Variants in EPHA5 observed in about 807,000 individuals in gnomAD.
EPHA5 encodes the protein ephrin type-A receptor 5.
A neutral mutation model predicts 105.0 loss-of-function variants in EPHA5; 60 were observed. The observed-to-expected ratio is 0.57, with a 90% CI of 0.46 to 0.71. EPHA5 has a LOEUF of 0.71. Ranked by LOEUF, EPHA5 falls within the 30% of genes least tolerant of loss-of-function variation. The pLI is 0.00. For missense variants in EPHA5, 1,218 were observed against 1,274.7 expected, an observed-to-expected ratio of 0.96 and a Z score of 0.68; for synonymous variants, 513 against 449.1, an observed-to-expected ratio of 1.14 and a Z score of -1.80.
chr4:65,455,346 C>G (rs1030987741), intron 5 of EPHA5, among the ~76,000 whole-genome samples: 2 of 152,292 alleles, frequency 1.3e-5, no homozygotes, highest in Admixed American at 1.3e-4. Flanking sequence ...TTAGTTTGCA[C>G]ATCAATTTAC....
chr4:65,625,455 T>A (rs557115934), intron 2 of EPHA5, among the ~76,000 whole-genome samples: 24 of 152,180 alleles, frequency 1.6e-4, no homozygotes, highest in African/African-American at 5.8e-4. Context: ...CAGAGAAAAA[T>A]TCTCACCTTC....
At chr4:65,598,378 A>C (rs1385552235) in intron 3 of EPHA5, among the ~76,000 whole-genome samples, 2 of 152,136 alleles carry the variant, frequency 1.3e-5, no homozygotes, top group Non-Finnish European at 2.9e-5. Context: ...AAATCAACAC[A>C]ATGTGATATT....
rs574039123 is a variant in EPHA5, at chr4:65,589,786, G to C, written c.910+11855C>G. On this transcript the variant is annotated intron_variant, in intron 3 of 16. Transcript: ENST00000613740. ...ATTAAAAAATCATCCACAGGACCAA[G>C]TAATTATGTTGCTTTCAGATTGTGA... Among the ~76,000 whole-genome samples, 396 of 152,266 alleles carry C rather than the reference G, an allele frequency of 2.6e-3. 7 individuals carry two copies. Among genetic ancestry groups the C allele is most frequent in the Non-Finnish European group, 1.1e-3 (73 of 68,024 alleles).
intron 3 of EPHA5, among the ~76,000 whole-genome samples, chr4:65,568,294 T>A (rs2149369870): frequency 6.6e-6 from 1 of 151,654 alleles, no homozygotes; most frequent in Non-Finnish European, 1.5e-5. Flanking sequence ...GTAGGAGAAT[T>A]GAATATGCAG....
intron 3 of EPHA5, among the ~76,000 whole-genome samples, chr4:65,571,611 T>C (rs1041207297): frequency 2.0e-5 from 3 of 152,110 alleles, no homozygotes; most frequent in Non-Finnish European, 2.9e-5. Context: ...GCTTTTCCCA[T>C]CTTTTTTTCT....
chr4:65,365,009 A>T lies in EPHA5; in HGVS notation c.2173+8T>A, dbSNP rs57103842. The stretch of plus-strand genomic sequence containing the variant: ...GCACACACATGTATAATTTGCCATC[A>T]TACTTACTTTTGGTCACCACACCTT... On this transcript the variant is annotated splice_region_variant and intron_variant, in intron 11 of 16. Transcript: ENST00000613740. 2.5e-3 allele frequency: 3,953 copies of T among 1,609,486 alleles called. 76 individuals are homozygous for T. In the African/African-American group the frequency reaches 0.045, roughly 18 times the overall value.
intron 11 of EPHA5, among the ~76,000 whole-genome samples, chr4:65,361,954 T>C (rs1717371739): frequency 6.6e-6 from 1 of 151,580 alleles, no homozygotes; most frequent in Non-Finnish European, 1.5e-5. Context: ...ACAACTTTTT[T>C]TCCTTTTTAT....
intron 3 of EPHA5, among the ~76,000 whole-genome samples, chr4:65,547,609 G>C (rs1038556238): frequency 3.3e-5 from 5 of 151,940 alleles, no homozygotes; most frequent in African/African-American, 1.2e-4. Context: ...GGTAATTCAG[G>C]CTAATTTTTC....
intron 12 of EPHA5, 145 bp downstream of exon 12, chr4:65,352,897 G>T: frequency 2.9e-5 from 11 of 372,922 alleles, no homozygotes; most frequent in East Asian, 1.6e-4. Flanking sequence ...TGTAATTATT[G>T]TGGCTCCATA....
chr4:65,577,476 C>T (rs1279215309), intron 3 of EPHA5, among the ~76,000 whole-genome samples: 1 of 152,020 alleles, frequency 6.6e-6, no homozygotes, highest in Non-Finnish European at 1.5e-5. Context: ...TAGTAAGTTA[C>T]TACGCATTTG....
chr4:65,590,707 C>G (rs1742552814), intron 3 of EPHA5, among the ~76,000 whole-genome samples: 1 of 152,118 alleles, frequency 6.6e-6, no homozygotes, highest in African/African-American at 2.4e-5. Context: ...GTTTTCTATG[C>G]AACCCTTGAA....
chr4:65,483,305 G>A (rs1730567211), intron 5 of EPHA5, among the ~76,000 whole-genome samples: 1 of 151,904 alleles, frequency 6.6e-6, no homozygotes, highest in South Asian at 2.1e-4. Flanking sequence ...ATTGTGAATA[G>A]TGCCACAATA....
intron 8 of EPHA5, among the ~76,000 whole-genome samples, chr4:65,380,291 C>A (rs1719426390): frequency 6.6e-6 from 1 of 151,756 alleles, no homozygotes; most frequent in Non-Finnish European, 1.5e-5. Context: ...TTTGTTTTAA[C>A]AAGATATTTC....
At chr4:65,546,246 A>T (rs1737360394) in intron 3 of EPHA5, among the ~76,000 whole-genome samples, 1 of 151,966 alleles carries the variant, frequency 6.6e-6, no homozygotes, top group African/African-American at 2.4e-5. Context: ...TCAGACACAA[A>T]ATTCATGGTA....
intron 3 of EPHA5, among the ~76,000 whole-genome samples, chr4:65,585,166 A>C (rs1030959565): frequency 2.6e-5 from 4 of 151,494 alleles, no homozygotes; most frequent in Non-Finnish European, 5.9e-5. Flanking sequence ...ATCCAATTAC[A>C]TAATAAATAT....
intron 11 of EPHA5, among the ~76,000 whole-genome samples, chr4:65,358,013 G>A (rs1427161302): frequency 6.6e-6 from 1 of 151,288 alleles, no homozygotes; most frequent in Non-Finnish European, 1.5e-5. Flanking sequence ...TCTAGTCCTT[G>A]TTTCTCAGAA....
At chr4:65,669,247 G>A (rs1281428448) in intron 1 of EPHA5, among the ~76,000 whole-genome samples, 1 of 151,552 alleles carries the variant, frequency 6.6e-6, no homozygotes, top group Non-Finnish European at 1.5e-5. Context: ...CCATCCCCCT[G>A]GAACGGGCCT....
chr4:65,592,821 G>A (rs1292113357), intron 3 of EPHA5, among the ~76,000 whole-genome samples: 1 of 152,112 alleles, frequency 6.6e-6, no homozygotes, highest in African/African-American at 2.4e-5. Flanking sequence ...ATTTCTCCTT[G>A]GTTATGGCCG....
At chr4:65,530,997 T>TTTTTTTTTA (rs879813245) in intron 3 of EPHA5, among the ~76,000 whole-genome samples, 81 of 111,148 alleles carry the variant, frequency 7.3e-4, no homozygotes, top group Middle Eastern at 8.6e-3. Context: ...GCTGGATGGA[T>TTTTTTTTTA]TTTTTTTTAT....
Sources: allele counts gnomAD v4.1 joint callset (sites outside exome capture counted in the v4.1 genomes callset), GRCh38; gene constraint gnomAD v4.1.1; transcripts MANE v1.5; gene names NCBI Gene and HGNC (gene_info 2026-07-23, HGNC 2026-07-21).